The following ADK variants were observed in gnomAD, a reference collection of about 807,000 sequenced individuals.
The protein encoded by ADK is N6,N6-dimethyladenosine kinase.
Under a neutral mutation model 44.7 loss-of-function variants are expected in ADK, and 24 were observed. That is an observed-to-expected ratio of 0.54 (90% CI 0.39 to 0.76). The LOEUF is 0.76. Among genes scored for constraint, ADK ranks in the 30% least tolerant of loss-of-function variants. The pLI, the probability that ADK is intolerant of heterozygous loss-of-function variation, is 0.00. For synonymous variants in ADK, 128 were observed against 142.6 expected, an observed-to-expected ratio of 0.90 and a Z score of 0.73; for missense variants, 321 against 425.1, an observed-to-expected ratio of 0.76 and a Z score of 2.15.
intron 9 of ADK, among the ~76,000 whole-genome samples, chr10:74,622,392 G>T (rs997791414): frequency 6.6e-6 from 1 of 151,738 alleles, no homozygotes; most frequent in Non-Finnish European, 1.5e-5. Context: ...GTCAAATTTT[G>T]ACTACCTTGT....
chr10:74,279,317 C>T (rs1424400906), intron 3 of ADK, among the ~76,000 whole-genome samples: 1 of 151,296 alleles, frequency 6.6e-6, no homozygotes. Context: ...AGGCCAGGTG[C>T]AGTGGCTCAC....
chr10:74,225,686 C>G (rs1844508164), intron 3 of ADK, among the ~76,000 whole-genome samples: 1 of 152,200 alleles, frequency 6.6e-6, no homozygotes, highest in Non-Finnish European at 1.5e-5. Flanking sequence ...TTTACACATT[C>G]CACTATTATG....
At chr10:74,655,709 G>T in intron 9 of ADK, 1 of 483,038 alleles carries the variant, frequency 2.1e-6, no homozygotes, top group East Asian at 5.4e-5. Flanking sequence ...TGCCCAGGGA[G>T]CTGAGCCTCA....
chr10:74,632,090 G>A (rs1215660208), intron 9 of ADK, among the ~76,000 whole-genome samples: 1 of 151,906 alleles, frequency 6.6e-6, no homozygotes, highest in African/African-American at 2.4e-5. Flanking sequence ...CATCATCCCA[G>A]AAACTGTCTC....
intron 4 of ADK, among the ~76,000 whole-genome samples, chr10:74,381,814 T>G (rs1842984011): frequency 6.6e-6 from 1 of 152,232 alleles, no homozygotes; most frequent in South Asian, 2.1e-4. Flanking sequence ...AGTTCATCAT[T>G]GTCAATAAAC....
intron 8 of ADK, among the ~76,000 whole-genome samples, chr10:74,591,324 T>G (rs1851708876): frequency 6.6e-6 from 1 of 152,168 alleles, no homozygotes; most frequent in Admixed American, 6.5e-5. Context: ...TCACATACCT[T>G]ATTACCTCCT....
At chr10:74,595,709 ATAT>A (rs768688496) in intron 8 of ADK, among the ~76,000 whole-genome samples, 122,517 of 122,608 alleles carry the variant, frequency 1, 61,223 homozygotes, top group Middle Eastern at 1. Flanking sequence ...AAAATAGGCT[ATAT>A]GGCCGGGTGT....
chr10:74,669,422 C>G (rs1855090465), intron 9 of ADK, among the ~76,000 whole-genome samples: 1 of 152,142 alleles, frequency 6.6e-6, no homozygotes, highest in Non-Finnish European at 1.5e-5. Flanking sequence ...TAAGTCCATT[C>G]CACTGTCATG....
intron 10 of ADK, among the ~76,000 whole-genome samples, chr10:74,677,209 C>T (rs1855423978): frequency 6.6e-6 from 1 of 152,238 alleles, no homozygotes; most frequent in Admixed American, 6.5e-5. Context: ...TGCACCCCTG[C>T]ACTCCAGGCT....
At chr10:74,291,848 C>CATCTGA (rs1847451901) in intron 3 of ADK, among the ~76,000 whole-genome samples, 1 of 151,586 alleles carries the variant, frequency 6.6e-6, no homozygotes, top group South Asian at 2.1e-4. Context: ...CTCATCTGTA[C>CATCTGA]AGTATTTTGT....
intron 6 of ADK, among the ~76,000 whole-genome samples, chr10:74,439,012 G>A (rs957207546): frequency 3.9e-5 from 6 of 152,190 alleles, no homozygotes; most frequent in African/African-American, 1.2e-4. Context: ...TTTGTAGTCA[G>A]CGTTTTTCCA....
At chr10:74,527,911 G>A (rs1849120788) in intron 7 of ADK, 3 of 796,482 alleles carry the variant, frequency 3.8e-6, no homozygotes, top group African/African-American at 1.7e-5. Flanking sequence ...TGTGAAAGCT[G>A]TCATCTATAG....
chr10:74,296,218 A>G (rs1425810431), intron 3 of ADK, among the ~76,000 whole-genome samples: 1 of 152,142 alleles, frequency 6.6e-6, no homozygotes, highest in Non-Finnish European at 1.5e-5. Context: ...GCATAAAGTC[A>G]GAAGACAAAT....
At chr10:74,269,611 G>T (rs552234058) in intron 3 of ADK, among the ~76,000 whole-genome samples, 1 of 152,244 alleles carries the variant, frequency 6.6e-6, no homozygotes, top group South Asian at 2.1e-4. Flanking sequence ...TTATTTTTAA[G>T]AATATTGTGT....
intron 3 of ADK, among the ~76,000 whole-genome samples, chr10:74,250,307 C>T (rs886746975): frequency 1.1e-4 from 16 of 152,056 alleles, no homozygotes; most frequent in African/African-American, 3.4e-4. Flanking sequence ...TAGAAATAGT[C>T]GGGTATAGGG....
At chr10:74,334,155 A>G (rs1463052320) in intron 4 of ADK, among the ~76,000 whole-genome samples, 1 of 152,142 alleles carries the variant, frequency 6.6e-6, no homozygotes, top group African/African-American at 2.4e-5. Context: ...TCCCCTTTGT[A>G]GTCTTCCTTT....
chr10:74,510,672 T>C (rs1240303404), intron 6 of ADK, among the ~76,000 whole-genome samples: 2 of 152,212 alleles, frequency 1.3e-5, no homozygotes, highest in Non-Finnish European at 2.9e-5. Context: ...CTGTGTTTTC[T>C]TCTAGGAGGG....
At chr10:74,267,287 A>G (rs1003509348) in intron 3 of ADK, among the ~76,000 whole-genome samples, 2 of 152,142 alleles carry the variant, frequency 1.3e-5, no homozygotes, top group African/African-American at 4.8e-5. Flanking sequence ...TACAGTATTC[A>G]AGGAATGTGA....
chr10:74,363,102 G>A (rs1842390151), intron 4 of ADK, among the ~76,000 whole-genome samples: 1 of 152,218 alleles, frequency 6.6e-6, no homozygotes, highest in Non-Finnish European at 1.5e-5. Flanking sequence ...ACAGGTCCCA[G>A]TATCTGGGCA....
Sources: gnomAD v4.1 joint callset for allele counts (sites outside exome capture counted in the v4.1 genomes callset) on GRCh38, gnomAD v4.1.1 for gene constraint, MANE v1.5 for transcripts, NCBI Gene and HGNC (gene_info 2026-07-23, HGNC 2026-07-21) for gene names.